Variants in ANXA8 observed in about 807,000 individuals in gnomAD.
The protein encoded by ANXA8 is VAC-beta.
A neutral mutation model predicts 26.8 loss-of-function variants in ANXA8; 9 were observed. The observed-to-expected ratio is 0.34, with a 90% CI of 0.20 to 0.59. The LOEUF is 0.59. Ranked by LOEUF, ANXA8 falls within the 20% of genes least tolerant of loss-of-function variation. The probability of loss-of-function intolerance (pLI) is 0.84; values close to 1 mark genes in which losing one functional copy is unlikely to be tolerated. For synonymous variants in ANXA8, 39 were observed against 94.8 expected (o/e 0.41, Z 3.42); for missense variants, 83 against 238.5 (o/e 0.35, Z 4.29).
the ANXA8 span, among the ~76,000 whole-genome samples, chr10:47,981,329 C>A: frequency 7.4e-6 from 1 of 134,992 alleles, no homozygotes; most frequent in East Asian, 2.2e-4. Context: ...TGAAAAACCA[C>A]AACTGACATC....
At chr10:47,515,999 T>C in the ANXA8 span, among the ~76,000 whole-genome samples, 1 of 131,576 alleles carries the variant, frequency 7.6e-6, no homozygotes, top group Non-Finnish European at 1.6e-5. Context: ...AGCAAAACTT[T>C]AAAAAAAAAA....
the ANXA8 span, chr10:47,589,126 C>T: frequency 6.1e-5 from 9 of 146,644 alleles, no homozygotes; most frequent in South Asian, 6.2e-4. Context: ...TGCTTACTTT[C>T]GTACTTCCCA....
chr10:47,669,726 C>T, the ANXA8 span, among the ~76,000 whole-genome samples: 1 of 151,452 alleles, frequency 6.6e-6, no homozygotes, highest in Admixed American at 6.6e-5. Flanking sequence ...AAAACAAAAA[C>T]AAAAAAACCC....
chr10:47,670,388 T>C, the ANXA8 span, among the ~76,000 whole-genome samples: 1 of 152,046 alleles, frequency 6.6e-6, no homozygotes. Context: ...CGGTGTGGAA[T>C]TGCTGGATCA....
the ANXA8 span, among the ~76,000 whole-genome samples, chr10:47,759,413 C>CTTCT: frequency 1.1e-5 from 1 of 89,988 alleles, no homozygotes; most frequent in Admixed American, 1.4e-4. Context: ...GAAGCCCAGG[C>CTTCT]TTCTGGTCAC....
the ANXA8 span, among the ~76,000 whole-genome samples, chr10:47,683,938 T>G: frequency 6.6e-6 from 1 of 151,914 alleles, no homozygotes; most frequent in Non-Finnish European, 1.5e-5. Flanking sequence ...AATAAGCATT[T>G]TTTTTTAGTT....
At chr10:47,515,951 A>G in the ANXA8 span, among the ~76,000 whole-genome samples, 2 of 129,068 alleles carry the variant, frequency 1.5e-5, no homozygotes, top group Admixed American at 1.6e-4. Flanking sequence ...GATCAAAACA[A>G]TAGAAAAAAG....
At chr10:47,506,962 T>C in the ANXA8 span, among the ~76,000 whole-genome samples, 2 of 131,938 alleles carry the variant, frequency 1.5e-5, no homozygotes, top group South Asian at 2.6e-4. Context: ...TTGAAGCAAA[T>C]TGCAAAGAAA....
chr10:47,899,258 TG>T, the ANXA8 span, among the ~76,000 whole-genome samples: 1 of 142,688 alleles, frequency 7.0e-6, no homozygotes, highest in South Asian at 2.3e-4. Context: ...CTTTTATCTT[TG>T]TTTAAAAAAG....
the ANXA8 span, among the ~76,000 whole-genome samples, chr10:47,584,429 GTTGGGCA>G: frequency 7.3e-6 from 1 of 136,738 alleles, no homozygotes; most frequent in Non-Finnish European, 1.5e-5. Flanking sequence ...GCTTGGTACA[GTTGGGCA>G]CTGCCTTAGA....
the ANXA8 span, chr10:47,565,222 C>T: frequency 1.6e-6 from 1 of 609,976 alleles, no homozygotes; most frequent in Non-Finnish European, 2.9e-6. Context: ...AGCCTCCCCC[C>T]AGCCCTGCGG....
At chr10:47,502,231 C>A in the ANXA8 span, 3 of 1,580,884 alleles carry the variant, frequency 1.9e-6, no homozygotes, top group Non-Finnish European at 2.6e-6. Flanking sequence ...ATTCCCCTTG[C>A]GGCAGGCCAG....
At chr10:47,716,245 C>T in the ANXA8 span, among the ~76,000 whole-genome samples, 1 of 115,842 alleles carries the variant, frequency 8.6e-6, no homozygotes, top group Non-Finnish European at 1.7e-5. Flanking sequence ...AAAAGGCTAC[C>T]ACTTGTGGTA....
At chr10:47,535,526 GT>G in the ANXA8 span, among the ~76,000 whole-genome samples, 6 of 144,344 alleles carry the variant, frequency 4.2e-5, no homozygotes, top group Non-Finnish European at 8.9e-5. Context: ...AGTTGAAGCA[GT>G]TTCAGGAAAA....
At chr10:47,714,226 G>T in the ANXA8 span, among the ~76,000 whole-genome samples, 1 of 111,196 alleles carries the variant, frequency 9.0e-6, no homozygotes, top group African/African-American at 3.4e-5. Context: ...AGACAAGAAA[G>T]CTATTTTAGT....
the ANXA8 span, among the ~76,000 whole-genome samples, chr10:47,579,927 T>C: frequency 4.1e-5 from 6 of 146,668 alleles, no homozygotes; most frequent in Non-Finnish European, 7.4e-5. Flanking sequence ...AGCAAACTAA[T>C]AAAATTGAAG....
the ANXA8 span, among the ~76,000 whole-genome samples, chr10:47,699,344 CAAAAAAAAAA>C: frequency 9.2e-5 from 5 of 54,210 alleles, no homozygotes; most frequent in African/African-American, 1.5e-4. Flanking sequence ...ATTCTGTCTC[CAAAAAAAAAA>C]AAAAAAAAAA....
chr10:47,686,007 G>C, the ANXA8 span, among the ~76,000 whole-genome samples: 8 of 149,934 alleles, frequency 5.3e-5, no homozygotes, highest in African/African-American at 2.0e-4. Context: ...GCTTTCCTGG[G>C]CCCTATTTTG....
At chr10:47,559,253 G>C in the ANXA8 span, among the ~76,000 whole-genome samples, 1 of 147,218 alleles carries the variant, frequency 6.8e-6, no homozygotes, top group Non-Finnish European at 1.5e-5. Flanking sequence ...AGCCTCATGA[G>C]TAGCTAGGAA....
Sources: gnomAD v4.1 joint callset for allele counts (sites outside exome capture counted in the v4.1 genomes callset) on GRCh38, gnomAD v4.1.1 for gene constraint, MANE v1.5 for transcripts, NCBI Gene and HGNC (gene_info 2026-07-23, HGNC 2026-07-21) for gene names.